The following GAD2 variants were observed in gnomAD, a reference collection of about 807,000 sequenced individuals.
The protein encoded by GAD2 is glutamate decarboxylase 2, also known as 65 kDa glutamic acid decarboxylase.
Under a neutral mutation model 80.1 loss-of-function variants are expected in GAD2, and 22 were observed. The observed-to-expected ratio is 0.27, with a 90% CI of 0.20 to 0.39. GAD2 has a LOEUF of 0.39. Ranked by LOEUF, GAD2 falls within the 10% of genes least tolerant of loss-of-function variation. GAD2 has a pLI of 1.00. For synonymous variants in GAD2, 274 were observed against 256.9 expected, an observed-to-expected ratio of 1.07 and a Z score of -0.64; for missense variants, 624 against 738.4, an observed-to-expected ratio of 0.85 and a Z score of 1.80.
chr10:26,283,500 G>C (rs915481201), intron 12 of GAD2, among the ~76,000 whole-genome samples: 1 of 152,190 alleles, frequency 6.6e-6, no homozygotes, highest in Non-Finnish European at 1.5e-5. Flanking sequence ...CAGCTCTACA[G>C]GGTCAACAAC....
At chr10:26,295,737 G>A (rs1834267197) in intron 15 of GAD2, among the ~76,000 whole-genome samples, 1 of 152,164 alleles carries the variant, frequency 6.6e-6, no homozygotes, top group Non-Finnish European at 1.5e-5. Context: ...TTATGGGACA[G>A]TGCAGATATA....
chr10:26,243,395 T>C (rs1476474130), intron 7 of GAD2, among the ~76,000 whole-genome samples: 2 of 152,218 alleles, frequency 1.3e-5, no homozygotes, highest in Non-Finnish European at 2.9e-5. Context: ...GAGGACCCTC[T>C]TAGGATCCCT....
rs1191528653 is a variant in GAD2, at chr10:26,217,094, A to G, written c.76+209A>G. Among the ~76,000 whole-genome samples, 1 of 151,966 alleles carries G rather than the reference A, an allele frequency of 6.6e-6. No individual in the cohort carries two copies. Among genetic ancestry groups the G allele is most frequent in the Non-Finnish European group, 1.5e-5 (1 of 67,994 alleles). On this transcript the variant is annotated intron_variant, in intron 1 of 15. Coordinates refer to ENST00000376261, the MANE Select transcript of GAD2 (RefSeq NM_001134366.2). The surrounding 1 kb of genome is among the most constrained non-coding windows in gnomAD (Gnocchi z 4.9). ...CCTGGGAAGACGCCCAAATAGTCTCAGGCCCGTTCCACAGAAGGTTGGAAG... is the reference window on the plus strand; with the variant it reads ...CCTGGGAAGACGCCCAAATAGTCTCGGGCCCGTTCCACAGAAGGTTGGAAG...
chr10:26,262,072 A>G lies in GAD2; in HGVS notation c.921-7047A>G, dbSNP rs535195773. ...ATGTATCTATAGGTTTCTCTGGGCTATCTCTGACACGTTTTGCTTTCAGAA... is the reference window on the plus strand; with the variant it reads ...ATGTATCTATAGGTTTCTCTGGGCTGTCTCTGACACGTTTTGCTTTCAGAA... On this transcript the variant is annotated intron_variant, in intron 8 of 15. Coordinates refer to ENST00000376261, the MANE Select transcript of GAD2 (RefSeq NM_001134366.2). 2.0e-5 allele frequency among the ~76,000 whole-genome samples: 3 copies of G among 152,274 alleles called. No homozygotes were observed. The South Asian group carries it at 6.2e-4, about 32-fold the overall frequency.
chr10:26,281,210 A>G (rs1845267296), intron 12 of GAD2, 123 bp downstream of exon 12: 1 of 629,570 alleles, frequency 1.6e-6, no homozygotes, highest in African/African-American at 1.8e-5. Context: ...CACATTCCCC[A>G]GAGAGCCCTT....
At chr10:26,281,113 C>A in intron 12 of GAD2, 26 bp downstream of exon 12, 1 of 1,545,920 alleles carries the variant, frequency 6.5e-7, no homozygotes, top group Non-Finnish European at 8.9e-7. Flanking sequence ...CTCTGTGTCC[C>A]AGTCCGTGCG....
intron 15 of GAD2, 124 bp from the exon 16 acceptor site, chr10:26,300,664 A>G (rs372675841): frequency 2.1e-5 from 17 of 825,398 alleles, no homozygotes; most frequent in East Asian, 1.2e-4. Context: ...TAACTCTTTC[A>G]AGAGAAAACA....
At chr10:26,272,297 G>C (rs1845146032) in intron 10 of GAD2, among the ~76,000 whole-genome samples, 1 of 152,140 alleles carries the variant, frequency 6.6e-6, no homozygotes, top group Non-Finnish European at 1.5e-5. Flanking sequence ...GGAAATCCTG[G>C]TAGACCTTGC....
At position 26,217,915 on chromosome 10, in the gene GAD2, G is replaced by C; in HGVS notation, c.210G>C (p.Lys70Asn). 6.2e-7 allele frequency: 1 copy of C among 1,611,152 alleles called. No homozygotes were observed. The highest frequency in any genetic ancestry group is 1.1e-5 in the South Asian group (1 of 90,982). ...GSQPPRAAARKAACACDQKPC... is the reference protein window; with the variant it reads ...GSQPPRAAARNAACACDQKPC... ...AACCCCCGCGGGCCGCCGCCCGGAA[G>C]GCCGCCTGCGCCTGCGACCAGAAGC... The change falls in exon 3 of 16, where the codon AAG becomes AAC. Residue 70 changes from lysine to asparagine, a missense_variant. Coordinates refer to ENST00000376261, the MANE Select transcript of GAD2 (RefSeq NM_001134366.2). The surrounding 1 kb of genome is among the most constrained non-coding windows in gnomAD (Gnocchi z 4.9).
In GAD2 at chr10:26,300,875, C is replaced by T. The variant is rs200401161; in HGVS notation, c.1672C>T (p.Arg558Cys). The T allele has an allele frequency of 6.2e-7, 1 of 1,613,704 alleles. No individual in the cohort carries two copies. The highest frequency in any genetic ancestry group is 8.5e-7 in the Non-Finnish European group (1 of 1,179,730). The change falls in exon 16 of 16, where the codon CGC becomes TGC. Residue 558 changes from arginine (R) to cysteine (C), a missense_variant. Arg to Cys is a radical substitution (Grantham distance 180). Coordinates refer to ENST00000376261, the MANE Select transcript of GAD2 (RefSeq NM_001134366.2). ...CTTGGGAGACAAGGTCAATTTCTTC[C>T]GCATGGTCATCTCAAACCCAGCGGC... ...QPLGDKVNFF[R>C]MVISNPAATH...
chr10:26,303,466 G>GGAA lies in GAD2; in HGVS notation c.*2506_*2507insAAG, dbSNP rs1834349200. ...AGGAAGGGAGGGAGGGAGGGAGGGA[G>GGAA]GGAAGGAGGGAGGGAGGAAGGAAAT... On this transcript the variant is annotated 3_prime_UTR_variant, in exon 16 of 16. Transcript: ENST00000376261. The GGAA allele has an allele frequency of 7.7e-6, 1 of 129,158 alleles. No individual in the cohort carries two copies. Among genetic ancestry groups the GGAA allele is most frequent in the African/African-American group, 3.2e-5 (1 of 31,542 alleles). The allele number at this position is 129,158 out of a possible 1,614,324, so 8.0% of individuals were successfully genotyped here. A position where few individuals can be genotyped will look rare whatever the true frequency, so the allele number is the denominator to read the frequency against.
intron 15 of GAD2, among the ~76,000 whole-genome samples, chr10:26,294,785 G>C (rs142474214): frequency 6.6e-6 from 1 of 152,166 alleles, no homozygotes; most frequent in Non-Finnish European, 1.5e-5. Flanking sequence ...TAAGATGATC[G>C]GTGCAGGCAA....
chr10:26,226,418 C>T (rs758475368), intron 6 of GAD2, among the ~76,000 whole-genome samples: 13 of 152,198 alleles, frequency 8.5e-5, no homozygotes, highest in African/African-American at 1.9e-4. Context: ...TTTGCTCTTA[C>T]GCCAAGATGC....
intron 7 of GAD2, among the ~76,000 whole-genome samples, chr10:26,242,867 C>A (rs184982985): frequency 6.6e-6 from 1 of 152,138 alleles, no homozygotes; most frequent in African/African-American, 2.4e-5. Flanking sequence ...CCCCAGTTCG[C>A]CTTTTTGCAG....
intron 15 of GAD2, among the ~76,000 whole-genome samples, chr10:26,296,057 G>C (rs1291246978): frequency 3.3e-5 from 5 of 152,140 alleles, no homozygotes; most frequent in Non-Finnish European, 4.4e-5. Context: ...TAGAGGCGGG[G>C]AAGTCCAAGA....
In GAD2 at chr10:26,249,666, C is replaced by T. The variant is rs566461337; in HGVS notation, c.920+3666C>T. 1.8e-4 allele frequency among the ~76,000 whole-genome samples: 28 copies of T among 152,286 alleles called. No homozygotes were observed. In the South Asian group the frequency reaches 5.8e-3, roughly 32 times the overall value. ...CAAAGCATCGGCATCACTGCTCCTA[C>T]TCCTGTGAAAATCAGGTGTGACCGC... is the stretch of plus-strand genomic sequence containing the variant. On this transcript the variant is annotated intron_variant, in intron 8 of 15. Coordinates refer to ENST00000376261, the MANE Select transcript of GAD2 (RefSeq NM_001134366.2).
chr10:26,292,792 A>G (rs1834231292), intron 14 of GAD2, 110 bp from the exon 15 acceptor site: 1 of 970,732 alleles, frequency 1.0e-6, no homozygotes, highest in Admixed American at 1.8e-5. Flanking sequence ...TCCTGATTGA[A>G]AAGTGGGAAT....
chr10:26,297,469 G>A (rs1834287200), intron 15 of GAD2, among the ~76,000 whole-genome samples: 1 of 152,194 alleles, frequency 6.6e-6, no homozygotes, highest in Admixed American at 6.5e-5. Context: ...AAAAGCTAAT[G>A]GCACAAGAGA....
At chr10:26,244,429 C>A (rs1383699486) in intron 7 of GAD2, among the ~76,000 whole-genome samples, 2 of 152,140 alleles carry the variant, frequency 1.3e-5, no homozygotes, top group Non-Finnish European at 2.9e-5. Context: ...GGCAGTTGTA[C>A]CCCCATATGT....
Sources: allele counts gnomAD v4.1 joint callset (sites outside exome capture counted in the v4.1 genomes callset), GRCh38; gene constraint gnomAD v4.1.1; non-coding constraint Gnocchi (gnomAD v3.1); transcripts MANE v1.5; gene names NCBI Gene and HGNC (gene_info 2026-07-23, HGNC 2026-07-21).